Variants in NDRG2 observed in about 807,000 individuals in gnomAD.
NDRG2 encodes NDRG family member 2, also known as protein NDRG2.
Under a neutral mutation model 58.2 loss-of-function variants are expected in NDRG2, and 34 were observed. The observed-to-expected ratio is 0.58, with a 90% CI of 0.44 to 0.78. NDRG2 has a LOEUF of 0.78. Among genes scored for constraint, NDRG2 ranks in the 30% least tolerant of loss-of-function variants. The pLI, the probability that NDRG2 is intolerant of heterozygous loss-of-function variation, is 0.00. For missense variants in NDRG2, 434 were observed against 471.2 expected (o/e 0.92, Z 0.73); for synonymous variants, 187 against 175.9 (o/e 1.06, Z -0.50).
chr14:21,026,891 C>G (rs1594467366), upstream of NDRG2, among the ~76,000 whole-genome samples: 1 of 152,212 alleles, frequency 6.6e-6, no homozygotes, highest in South Asian at 2.1e-4. Context: ...CAAAGGTGCG[C>G]AAGACAGGAG....
At chr14:21,053,759 G>A (rs930840747) in intron 1 of NDRG2, among the ~76,000 whole-genome samples, 5 of 152,100 alleles carry the variant, frequency 3.3e-5, no homozygotes, top group African/African-American at 7.2e-5. Flanking sequence ...AGCCATGATC[G>A]TGCCACTGCA....
At chr14:21,041,440 T>C (rs1884891084) in intron 1 of NDRG2, among the ~76,000 whole-genome samples, 1 of 152,160 alleles carries the variant, frequency 6.6e-6, no homozygotes, top group South Asian at 2.1e-4. Context: ...AAAACAAAAA[T>C]ATTCCTCATC....
intron 1 of NDRG2, among the ~76,000 whole-genome samples, chr14:21,066,530 T>G (rs571062741): frequency 4.6e-5 from 7 of 152,176 alleles, no homozygotes; most frequent in African/African-American, 1.7e-4. Context: ...ATGTTGGGGT[T>G]TCCCCATGTT....
intron 1 of NDRG2, chr14:21,043,435 T>C (rs1420867171): frequency 1.2e-6 from 2 of 1,605,326 alleles, no homozygotes; most frequent in Non-Finnish European, 8.5e-7. Context: ...TTCCACCTGG[T>C]TCCTGTACAC....
At chr14:21,040,846 C>A (rs1884856314) in intron 1 of NDRG2, among the ~76,000 whole-genome samples, 1 of 152,242 alleles carries the variant, frequency 6.6e-6, no homozygotes, top group African/African-American at 2.4e-5. Context: ...TACTGACCAC[C>A]AACCCCTATA....
intron 1 of NDRG2, among the ~76,000 whole-genome samples, chr14:21,052,887 G>T (rs1594511065): frequency 6.6e-6 from 1 of 152,202 alleles, no homozygotes; most frequent in Non-Finnish European, 1.5e-5. Flanking sequence ...TGGAAAGGGA[G>T]AGAAATACGT....
At chr14:21,067,640 A>G (rs1324065479) in intron 1 of NDRG2, among the ~76,000 whole-genome samples, 1 of 152,152 alleles carries the variant, frequency 6.6e-6, no homozygotes, top group Non-Finnish European at 1.5e-5. Flanking sequence ...ACTGTTTGTG[A>G]ATGAGAAGGC....
At chr14:21,031,873 A>G in intron 1 of NDRG2, 1 of 1,610,142 alleles carries the variant, frequency 6.2e-7, no homozygotes, top group Non-Finnish European at 8.5e-7. Context: ...GAGAGCTCAA[A>G]TCCATCCCTG....
chr14:21,023,020 A>G, intron 2 of NDRG2, 115 bp from the exon 3 acceptor site: 3 of 1,263,980 alleles, frequency 2.4e-6, no homozygotes, highest in Non-Finnish European at 3.4e-6. Context: ...GACCAAAGAC[A>G]GAAAGAGATT....
intron 1 of NDRG2, among the ~76,000 whole-genome samples, chr14:21,068,879 G>C (rs1210950597): frequency 6.6e-6 from 1 of 152,242 alleles, no homozygotes; most frequent in Non-Finnish European, 1.5e-5. Flanking sequence ...GAAAAAGGTG[G>C]AGGTTAGCGT....
chr14:21,070,642 C>T lies in NDRG2; in HGVS notation c.24+186G>A, dbSNP rs1886688252. 6.6e-6 allele frequency among the ~76,000 whole-genome samples: 1 copy of T among 152,100 alleles called. No homozygotes were observed. The highest frequency in any genetic ancestry group is 1.5e-5 in the Non-Finnish European group (1 of 68,002). On this transcript the variant is annotated intron_variant, in intron 1 of 14. Coordinates refer to the NDRG2 transcript ENST00000403829. This position sits in a 1 kb window ranked among gnomAD's most constrained non-coding sequence, Gnocchi z 4.7. Reference sequence around the variant, plus strand: ...TCCTCCGCCTCCTCCCCCATCCTCCCTTGGGTCTCTCCCCTAATCCACACA... The same window carrying T: ...TCCTCCGCCTCCTCCCCCATCCTCCTTTGGGTCTCTCCCCTAATCCACACA...
Position 21,023,301 on chromosome 14 carries a change from C to T in NDRG2, c.15G>A (p.Gln5=). ...GCTTCTCCTCTGTGATCTGCACCTC[C>T]TGCAGCTCCGCCATGGTGGCCTGGC... MAEL[Q]EVQITEEKPL... The change falls in exon 2 of 16, where the codon CAG becomes CAA. Residue 5 remains glutamine, a synonymous_variant. Transcript: ENST00000556147. 6.2e-7 allele frequency: 1 copy of T among 1,613,754 alleles called. No individual in the cohort carries two copies. The highest frequency in any genetic ancestry group is 8.5e-7 in the Non-Finnish European group (1 of 1,179,846).
At chr14:21,069,378 T>A (rs941955367) in intron 1 of NDRG2, among the ~76,000 whole-genome samples, 1 of 152,162 alleles carries the variant, frequency 6.6e-6, no homozygotes, top group Non-Finnish European at 1.5e-5. Flanking sequence ...CGGGACTCTA[T>A]AGCCACCCCA....
At chr14:21,064,295 A>G (rs930208069) in intron 1 of NDRG2, among the ~76,000 whole-genome samples, 3 of 151,186 alleles carry the variant, frequency 2.0e-5, no homozygotes, top group Admixed American at 1.3e-4. Context: ...CAACCACTTG[A>G]TGCCTTTTTT....
intron 11 of NDRG2, 66 bp downstream of exon 11, chr14:21,019,050 T>C (rs1594378750): frequency 1.3e-6 from 2 of 1,504,066 alleles, no homozygotes; most frequent in East Asian, 2.3e-5. Flanking sequence ...CTCCTTCTTC[T>C]AAGGGACACA....
At chr14:21,068,997 G>T (rs1886455115) in intron 1 of NDRG2, among the ~76,000 whole-genome samples, 1 of 152,258 alleles carries the variant, frequency 6.6e-6, no homozygotes, top group Non-Finnish European at 1.5e-5. Context: ...CTGCAGGCGA[G>T]GCCAGACGTT....
At chr14:21,056,634 C>T (rs1885686301) in intron 1 of NDRG2, among the ~76,000 whole-genome samples, 2 of 152,158 alleles carry the variant, frequency 1.3e-5, no homozygotes, top group Admixed American at 1.3e-4. Flanking sequence ...GAGCACACAC[C>T]ACCTAAAACC....
intron 1 of NDRG2, chr14:21,031,919 C>T (rs575811829): frequency 1.2e-5 from 20 of 1,614,062 alleles, no homozygotes; most frequent in Admixed American, 3.3e-5. Context: ...TGCAGTGGAC[C>T]GTTTGACAGA....
chr14:21,045,992 GA>G lies in NDRG2; in HGVS notation c.25-22672del, dbSNP rs1045057282. Among the ~76,000 whole-genome samples, 10 of 151,762 alleles carry G rather than the reference GA, an allele frequency of 6.6e-5. No individual in the cohort carries two copies. The South Asian group carries it at 2.1e-3, about 31-fold the overall frequency. Reference sequence around the variant, plus strand: ...AGCAGGTGGTCATAAAAATAAATAAGAAAAAAAGATTTGTGTATTTTATGTA... The same window carrying G: ...AGCAGGTGGTCATAAAAATAAATAAGAAAAAAGATTTGTGTATTTTATGTA... On this transcript the variant is annotated intron_variant, in intron 1 of 14. Transcript: ENST00000403829.
Sources: gnomAD v4.1 joint callset for allele counts (sites outside exome capture counted in the v4.1 genomes callset) on GRCh38, gnomAD v4.1.1 for gene constraint, Gnocchi (gnomAD v3.1) non-coding constraint, MANE v1.5 for transcripts, NCBI Gene and HGNC (gene_info 2026-07-23, HGNC 2026-07-21) for gene names.